ATP10A: variants seen among roughly 807,000 people sequenced by gnomAD.
ATP10A encodes the protein ATPase phospholipid transporting 10A (putative).
Under a neutral mutation model 147.8 loss-of-function variants are expected in ATP10A, and 111 were observed. The observed-to-expected ratio is 0.75, with a 90% CI of 0.64 to 0.88. The LOEUF (loss-of-function observed/expected upper bound fraction) is 0.88. Among genes scored for constraint, ATP10A ranks in the 40% least tolerant of loss-of-function variants. ATP10A has a pLI of 0.00. For synonymous variants in ATP10A, 875 were observed against 841.6 expected (o/e 1.04, Z -0.69); for missense variants, 1,927 against 1,959.0 (o/e 0.98, Z 0.31).
rs1026216430 is a variant in ATP10A, at chr15:25,792,649, G to A, written c.450-11426C>T. 5.9e-5 allele frequency among the ~76,000 whole-genome samples: 9 copies of A among 152,136 alleles called. 1 individual carries two copies. Among genetic ancestry groups the A allele is most frequent in the African/African-American group, 1.9e-4 (8 of 41,440 alleles). On this transcript the variant is annotated intron_variant, in intron 1 of 20. Coordinates refer to ENST00000555815, the MANE Select transcript of ATP10A (RefSeq NM_024490.4). ...CACTGGCCTGGTGAGGGTGAGGCCCGCGTTTAGAATTCAGATCTTAGAGCA... is the reference window on the plus strand; with the variant it reads ...CACTGGCCTGGTGAGGGTGAGGCCCACGTTTAGAATTCAGATCTTAGAGCA...
At position 25,804,303 on chromosome 15, in the gene ATP10A, G is replaced by A. The variant is rs763492937; in HGVS notation, c.450-23080C>T. Among the ~76,000 whole-genome samples the A allele has an allele frequency of 2.7e-5, 4 of 150,526 alleles. No homozygotes were observed. In the South Asian group the frequency reaches 6.3e-4, roughly 24 times the overall value. On this transcript the variant is annotated intron_variant, in intron 1 of 20. Coordinates refer to ENST00000555815, the MANE Select transcript of ATP10A (RefSeq NM_024490.4). ...GTGAGTGTGTGGTGTGTGAGTGTTC[G>A]TGTGTGTCTAATTGTGCTTAGTGTG...
intron 1 of ATP10A, 41 bp from the exon 2 acceptor site, chr15:25,781,264 G>T: frequency 6.5e-7 from 1 of 1,543,684 alleles, no homozygotes; most frequent in South Asian, 1.2e-5. Flanking sequence ...ACGAGACATT[G>T]GTCGTGGCTG....
intron 13 of ATP10A, among the ~76,000 whole-genome samples, chr15:25,697,000 A>G (rs1449056783): frequency 6.6e-6 from 1 of 152,186 alleles, no homozygotes; most frequent in East Asian, 1.9e-4. Context: ...AGGGCAGGAA[A>G]TATGGGAAGA....
chr15:25,832,618 G>T (rs933829588), intron 1 of ATP10A, among the ~76,000 whole-genome samples: 4 of 150,180 alleles, frequency 2.7e-5, no homozygotes, highest in African/African-American at 7.4e-5. Context: ...GCTTTCGTGC[G>T]CTATATGTGA....
chr15:25,740,156 G>C (rs1053059811), intron 2 of ATP10A, among the ~76,000 whole-genome samples: 1 of 152,188 alleles, frequency 6.6e-6, no homozygotes, highest in African/African-American at 2.4e-5. Flanking sequence ...TTGCTACTAA[G>C]TACTCAACAA....
At chr15:25,824,958 T>A (rs972417323) in intron 1 of ATP10A, among the ~76,000 whole-genome samples, 2 of 151,896 alleles carry the variant, frequency 1.3e-5, no homozygotes, top group Admixed American at 6.6e-5. Context: ...CCCAGGAGTC[T>A]GAGGTTGCAG....
rs567932912 is a variant in ATP10A at position 25,708,178 on chromosome 15, C to A, written c.2448+19G>T. On this transcript the variant is annotated intron_variant, in intron 11 of 20. Coordinates refer to ENST00000555815, the MANE Select transcript of ATP10A (RefSeq NM_024490.4). ...GCGGCCACCTGCACGTGCACCCTCGCGGAGACACCCCCACTCACTCTCTTG... is the reference window on the plus strand; with the variant it reads ...GCGGCCACCTGCACGTGCACCCTCGAGGAGACACCCCCACTCACTCTCTTG... The A allele has an allele frequency of 6.2e-7, 1 of 1,614,134 alleles. No individual in the cohort carries two copies. Among genetic ancestry groups the A allele is most frequent in the South Asian group, 1.1e-5 (1 of 91,084 alleles).
intron 1 of ATP10A, among the ~76,000 whole-genome samples, chr15:25,801,209 T>C (rs1279305954): frequency 6.6e-6 from 1 of 152,068 alleles, no homozygotes; most frequent in Non-Finnish European, 1.5e-5. Context: ...CCAAGGCCAC[T>C]CAGCCAGCAT....
intron 3 of ATP10A, among the ~76,000 whole-genome samples, chr15:25,735,785 C>T (rs762807610): frequency 3.3e-5 from 5 of 152,118 alleles, no homozygotes; most frequent in African/African-American, 9.7e-5. Context: ...ATCACCTACC[C>T]GGGGCCTGCT....
At chr15:25,722,302 G>A (rs143357001) in intron 6 of ATP10A, among the ~76,000 whole-genome samples, 59 of 152,234 alleles carry the variant, frequency 3.9e-4, no homozygotes, top group African/African-American at 1.3e-3. Context: ...GGTGGCATTC[G>A]ACCCCCAGGC....
chr15:25,781,654 CAAAAAAAAAGAAGGA>C (rs970819741), intron 1 of ATP10A, among the ~76,000 whole-genome samples: 6 of 138,938 alleles, frequency 4.3e-5, no homozygotes, highest in Non-Finnish European at 6.2e-5. Flanking sequence ...TATTCCGTCT[CAAAAAAAAAGAAGGA>C]AAAAAAAAAG....
At chr15:25,765,158 A>T (rs977022569) in intron 2 of ATP10A, among the ~76,000 whole-genome samples, 62 of 152,154 alleles carry the variant, frequency 4.1e-4, no homozygotes, top group African/African-American at 1.4e-3. Flanking sequence ...TGAAGTCAGC[A>T]CAACACAGGG....
chr15:25,712,087 A>T (rs902543798), intron 10 of ATP10A, among the ~76,000 whole-genome samples: 3 of 152,214 alleles, frequency 2.0e-5, no homozygotes, highest in African/African-American at 7.2e-5. Context: ...GTACCAGAAA[A>T]GCAGGAGTAG....
At chr15:25,689,836 C>T (rs1899919872) in intron 15 of ATP10A, among the ~76,000 whole-genome samples, 1 of 152,200 alleles carries the variant, frequency 6.6e-6, no homozygotes, top group African/African-American at 2.4e-5. Flanking sequence ...AGGAGGAGAG[C>T]AGGCATGGCA....
chr15:25,757,757 G>C (rs1322773532), intron 2 of ATP10A, among the ~76,000 whole-genome samples: 1 of 152,314 alleles, frequency 6.6e-6, no homozygotes, highest in Middle Eastern at 3.4e-3. Context: ...ATGTCAGTAT[G>C]TTCAATTCTT....
At chr15:25,737,681 C>A (rs113720661) in intron 2 of ATP10A, among the ~76,000 whole-genome samples, 8 of 152,084 alleles carry the variant, frequency 5.3e-5, no homozygotes, top group Non-Finnish European at 1.2e-4. Context: ...GCCCCTCATC[C>A]GCCGCTAGAA....
intron 13 of ATP10A, among the ~76,000 whole-genome samples, chr15:25,700,480 G>A (rs1900598589): frequency 6.6e-6 from 1 of 152,182 alleles, no homozygotes; most frequent in Non-Finnish European, 1.5e-5. Flanking sequence ...GGTGTTAGTG[G>A]ATATTACTCA....
At chr15:25,708,703 T>G (rs1346114058) in intron 10 of ATP10A, 3 of 175,192 alleles carry the variant, frequency 1.7e-5, no homozygotes, top group Non-Finnish European at 3.7e-5. Flanking sequence ...GGCATCCTTT[T>G]GCCCAGCCTA....
At chr15:25,785,292 T>C (rs895985462) in intron 1 of ATP10A, among the ~76,000 whole-genome samples, 1 of 152,008 alleles carries the variant, frequency 6.6e-6, no homozygotes, top group Non-Finnish European at 1.5e-5. Context: ...GCAATGTGGC[T>C]GGGGTCCTTA....
Sources: allele counts gnomAD v4.1 joint callset (sites outside exome capture counted in the v4.1 genomes callset), GRCh38; gene constraint gnomAD v4.1.1; transcripts MANE v1.5; gene names NCBI Gene and HGNC (gene_info 2026-07-23, HGNC 2026-07-21).